The following ZBTB45 variants were observed in gnomAD, a reference collection of about 807,000 sequenced individuals.
ZBTB45 encodes zinc finger and BTB domain-containing protein 45.
Under a neutral mutation model 28.4 loss-of-function variants are expected in ZBTB45, and 22 were observed. That is an observed-to-expected ratio of 0.77 (90% confidence interval 0.55 to 1.10). ZBTB45 has a LOEUF of 1.10. ZBTB45 is among the 50% of genes least tolerant of loss of function. The probability of loss-of-function intolerance (pLI) is 0.00; values close to 1 mark genes in which losing one functional copy is unlikely to be tolerated. For synonymous variants in ZBTB45, 361 were observed against 332.3 expected (o/e 1.09, Z -0.94); for missense variants, 656 against 750.2 (o/e 0.87, Z 1.47).
upstream of ZBTB45, among the ~76,000 whole-genome samples, chr19:58,521,460 T>C (rs2053578422): frequency 6.6e-6 from 1 of 151,866 alleles, no homozygotes; most frequent in African/African-American, 2.4e-5. Flanking sequence ...TGAATGAGCT[T>C]GGAAGCAAAT....
chr19:58,521,894 A>T (rs7248520), upstream of ZBTB45, among the ~76,000 whole-genome samples: 9,871 of 152,146 alleles, frequency 0.065, 1,018 homozygotes, highest in African/African-American at 0.22. Context: ...CATGACTAGA[A>T]CAAAGCCTCC....
rs2053505965 is a variant in ZBTB45, at chr19:58,516,819, G to C, written c.855C>G (p.Asp285Glu). The C allele has an allele frequency of 6.2e-7, 1 of 1,613,672 alleles. No individual in the cohort carries two copies. The highest frequency in any genetic ancestry group is 1.3e-5 in the African/African-American group (1 of 74,912). The change falls in exon 2 of 3, where the codon GAC becomes GAG. Residue 285 changes from aspartate to glutamate, a missense_variant. Physicochemically the swap from Asp to Glu is conservative, Grantham distance 45. This residue lies in a region of ZBTB45 where 448 missense variants were observed against 444.3 expected (regional missense o/e 1.01). Coordinates refer to ENST00000594051, the MANE Select transcript of ZBTB45 (RefSeq NM_001316979.2). This position sits in a 1 kb window ranked among gnomAD's most constrained non-coding sequence, Gnocchi z 6.2. ...GAGSAEDVFP[D>E]SYVSTWHDED... ...CGTCGTGCCAAGTGGATACATAGCT[G>C]TCTGGAAATACGTCCTCAGCTGACC...
chr19:58,538,392 G>A (rs2053672550), intron 1 of ZBTB45, among the ~76,000 whole-genome samples: 1 of 152,066 alleles, frequency 6.6e-6, no homozygotes, highest in Non-Finnish European at 1.5e-5. Context: ...GGCGTCTTCA[G>A]GGTGGTGGGC....
Position 58,514,210 on chromosome 19 carries a change from C to T in ZBTB45, c.1380G>A (p.Gln460=), listed in dbSNP as rs1240900201. The stretch of plus-strand genomic sequence containing the variant: ...TGAAGCGCTTGGCGCAGACGGCGCA[C>T]TGGAAGGCGCGCACGCCGGTGTGCG... The part of the protein sequence containing the change: ...MVTHTGVRAF[Q]CAVCAKRFTQ... Residue 460 remains glutamine (Q), a synonymous_variant, in exon 3 of 3, where the codon CAG becomes CAA. Transcript: ENST00000594051. 2 of 1,612,540 alleles carry T rather than the reference C, an allele frequency of 1.2e-6. No homozygotes were observed. Among genetic ancestry groups the T allele is most frequent in the East Asian group, 2.2e-5 (1 of 44,882 alleles).
chr19:58,525,229 T>A (rs2053601559), intron 1 of ZBTB45, among the ~76,000 whole-genome samples: 2 of 152,158 alleles, frequency 1.3e-5, no homozygotes, highest in African/African-American at 4.8e-5. Flanking sequence ...AGTCCTTGTG[T>A]CCACAAACCC....
chr19:58,516,280 C>T lies in ZBTB45; in HGVS notation c.1279+115G>A, dbSNP rs549955366. The T allele has an allele frequency of 7.3e-7, 1 of 1,360,838 alleles. No individual in the cohort carries two copies. The highest frequency in any genetic ancestry group is 1.0e-6 in the Non-Finnish European group (1 of 998,186). 84.3% of individuals were successfully genotyped at this position (1,360,838 alleles called of 1,614,324 possible). A position where few individuals can be genotyped will look rare whatever the true frequency, so the allele number is the denominator to read the frequency against. The stretch of plus-strand genomic sequence containing the variant: ...GGGGAAGGCTCAATTTCTAGGCCCC[C>T]TGCTAACCAAAAGTAACAGAACAGT... On this transcript the variant is annotated intron_variant, in intron 2 of 2. Transcript: ENST00000594051. This position sits in a 1 kb window ranked among gnomAD's most constrained non-coding sequence, Gnocchi z 6.2.
intron 2 of ZBTB45, 100 bp from the exon 3 acceptor site, chr19:58,514,410 C>A: frequency 6.7e-6 from 9 of 1,336,832 alleles, no homozygotes; most frequent in Non-Finnish European, 8.8e-6. Context: ...CTAGCAGGGG[C>A]TCCCCTCCCC....
chr19:58,532,196 G>A (rs2053638705), intron 1 of ZBTB45, among the ~76,000 whole-genome samples: 2 of 152,138 alleles, frequency 1.3e-5, no homozygotes, highest in African/African-American at 4.8e-5. Flanking sequence ...CTGTGAAATT[G>A]GGACTGAAGT....
chr19:58,520,434 C>T, upstream of ZBTB45, among the ~76,000 whole-genome samples: 1 of 151,876 alleles, frequency 6.6e-6, no homozygotes, highest in East Asian at 1.9e-4. Context: ...GAAAATGGCC[C>T]CCTCCGAGAT....
chr19:58,538,637 G>A (rs2053674186), intron 1 of ZBTB45: 1 of 152,284 alleles, frequency 6.6e-6, no homozygotes, highest in South Asian at 2.1e-4. Context: ...CGGACACCTG[G>A]GAGCGGGGCC....
intron 1 of ZBTB45, among the ~76,000 whole-genome samples, chr19:58,517,880 C>G (rs938841861): frequency 6.6e-6 from 1 of 151,458 alleles, no homozygotes; most frequent in Non-Finnish European, 1.5e-5. Flanking sequence ...CTACCTCAGA[C>G]CTGGCCAGGC....
upstream of ZBTB45, among the ~76,000 whole-genome samples, chr19:58,524,190 C>T (rs62114663): frequency 0.093 from 14,086 of 150,976 alleles, 1,035 homozygotes; most frequent in East Asian, 0.39. Flanking sequence ...GGCAAAACCC[C>T]GTCTCCACTA....
In ZBTB45 at chr19:58,517,966, C is replaced by T. The variant is rs560280070; in HGVS notation, c.1-293G>A. Among the ~76,000 whole-genome samples the T allele has an allele frequency of 1.2e-4, 18 of 152,040 alleles. No individual in the cohort carries two copies. In the South Asian group the frequency reaches 2.3e-3, roughly 19 times the overall value. On this transcript the variant is annotated intron_variant, in intron 1 of 2. Coordinates refer to ENST00000594051, the MANE Select transcript of ZBTB45 (RefSeq NM_001316979.2). ...GGGTGTTGGCCTCAATCACTGCTCC[C>T]GAAAAGGTTCAGGCCTTGGCCTACT...
chr19:58,530,123 G>T (rs1266019461), intron 1 of ZBTB45, among the ~76,000 whole-genome samples: 1 of 152,042 alleles, frequency 6.6e-6, no homozygotes, highest in Non-Finnish European at 1.5e-5. Flanking sequence ...AGGATCACTT[G>T]AGCCTGGGAG....
At position 58,516,718 on chromosome 19, in the gene ZBTB45, G is replaced by A. The variant is rs768259873; in HGVS notation, c.956C>T (p.Pro319Leu). The A allele has an allele frequency of 2.2e-5, 36 of 1,600,896 alleles. No homozygotes were observed. Among genetic ancestry groups the A allele is most frequent in the Non-Finnish European group, 2.8e-5 (33 of 1,172,462 alleles). Residue 319 changes from proline (P) to leucine (L), a missense_variant, in exon 2 of 3, where the codon CCG becomes CTG. Transcript: ENST00000594051. This position sits in a 1 kb window ranked among gnomAD's most constrained non-coding sequence, Gnocchi z 6.2. ...CGGCCCTGGGGTCTTCACACCAGGCGGGCGGGATCCAGACAGTATGCAGTC... is the reference window on the plus strand; with the variant it reads ...CGGCCCTGGGGTCTTCACACCAGGCAGGCGGGATCCAGACAGTATGCAGTC... ...QPDCILSGSR[P>L]PGVKTPGPPV...
upstream of ZBTB45, among the ~76,000 whole-genome samples, chr19:58,523,162 C>G (rs1348107175): frequency 6.6e-6 from 1 of 152,126 alleles, no homozygotes; most frequent in Non-Finnish European, 1.5e-5. Context: ...AAAAACCAAA[C>G]CCTGACCTCT....
chr19:58,536,067 T>A (rs1408698786), intron 1 of ZBTB45, among the ~76,000 whole-genome samples: 1 of 151,696 alleles, frequency 6.6e-6, no homozygotes, highest in African/African-American at 2.4e-5. Flanking sequence ...TACCCTAGAG[T>A]TGTCACCAGA....
intron 1 of ZBTB45, among the ~76,000 whole-genome samples, chr19:58,526,755 TCTC>T (rs1296879230): frequency 1.9e-3 from 285 of 149,152 alleles, no homozygotes; most frequent in African/African-American, 6.7e-3. Flanking sequence ...ATGGTCTCGA[TCTC>T]CTGACCTCGT....
At chr19:58,514,563 C>T (rs1490565718) in intron 2 of ZBTB45, among the ~76,000 whole-genome samples, 1 of 152,084 alleles carries the variant, frequency 6.6e-6, no homozygotes, top group East Asian at 1.9e-4. Flanking sequence ...GATCCTCATA[C>T]ACTGTGAGGT....
Sources: allele counts gnomAD v4.1 joint callset (sites outside exome capture counted in the v4.1 genomes callset), GRCh38; gene constraint gnomAD v4.1.1; regional missense constraint gnomAD v4.1.1; non-coding constraint Gnocchi (gnomAD v3.1); transcripts MANE v1.5; gene names NCBI Gene and HGNC (gene_info 2026-07-23, HGNC 2026-07-21).